Variants in EHBP1 observed in about 807,000 individuals in gnomAD.
EHBP1 encodes EH domain binding protein 1, also known as EH domain-binding protein 1.
EHBP1 carries 55 observed loss-of-function variants against 144.0 expected under a neutral mutation model. That is an observed-to-expected ratio of 0.38 (90% confidence interval 0.31 to 0.48). The LOEUF (loss-of-function observed/expected upper bound fraction) is 0.48. EHBP1 is among the 20% of genes least tolerant of loss of function. The pLI is 0.98. For missense variants in EHBP1, 1,200 were observed against 1,364.2 expected, an observed-to-expected ratio of 0.88 and a Z score of 1.90; for synonymous variants, 469 against 472.7, an observed-to-expected ratio of 0.99 and a Z score of 0.10.
At chr2:62,930,137 A>C (rs1024275272) in intron 10 of EHBP1, among the ~76,000 whole-genome samples, 2 of 152,128 alleles carry the variant, frequency 1.3e-5, no homozygotes, top group African/African-American at 4.8e-5. Flanking sequence ...TAGTCCCACT[A>C]CTTGAGAGGC....
intron 9 of EHBP1, among the ~76,000 whole-genome samples, chr2:62,872,472 T>A (rs969526249): frequency 6.6e-6 from 1 of 152,132 alleles, no homozygotes; most frequent in Non-Finnish European, 1.5e-5. Context: ...TATTTATATT[T>A]AAAATATATT....
At chr2:62,844,775 C>A (rs1353679423) in intron 7 of EHBP1, among the ~76,000 whole-genome samples, 1 of 152,150 alleles carries the variant, frequency 6.6e-6, no homozygotes. Flanking sequence ...TCCTGAAAGA[C>A]CCCTGATATT....
intron 5 of EHBP1, among the ~76,000 whole-genome samples, chr2:62,782,335 A>G (rs952606783): frequency 6.6e-6 from 1 of 152,242 alleles, no homozygotes; most frequent in African/African-American, 2.4e-5. Context: ...GAAATTATCA[A>G]CAATGTTTTA....
In EHBP1 at chr2:63,032,750, G is replaced by A. The variant is rs557703606; in HGVS notation, c.3104-4785G>A. 3.9e-5 allele frequency among the ~76,000 whole-genome samples: 6 copies of A among 151,962 alleles called. No homozygotes were observed. The South Asian group carries it at 1.2e-3, about 32-fold the overall frequency. The stretch of plus-strand genomic sequence containing the variant: ...CTCCTGTAGAAAGTCCATGCACAGG[G>A]GTCTGTTAGAAGTCGTGTGTAGAAA... On this transcript the variant is annotated intron_variant, in intron 19 of 22. Transcript: ENST00000431489.
At chr2:62,724,989 T>C (rs2036613074) in intron 2 of EHBP1, among the ~76,000 whole-genome samples, 1 of 152,222 alleles carries the variant, frequency 6.6e-6, no homozygotes, top group Admixed American at 6.5e-5. Flanking sequence ...ACTGCTGACC[T>C]AGAGGACTTG....
At chr2:63,025,731 A>T (rs935504221) in intron 19 of EHBP1, among the ~76,000 whole-genome samples, 2 of 152,180 alleles carry the variant, frequency 1.3e-5, no homozygotes, top group Admixed American at 6.5e-5. Flanking sequence ...ATCATGATAA[A>T]AGGGGCAACT....
chr2:62,900,028 A>G (rs1558880244), intron 10 of EHBP1, among the ~76,000 whole-genome samples: 1 of 152,214 alleles, frequency 6.6e-6, no homozygotes, highest in Non-Finnish European at 1.5e-5. Context: ...GGAATTACTG[A>G]GTAATAACTT....
At chr2:62,883,583 G>A (rs960075982) in intron 10 of EHBP1, among the ~76,000 whole-genome samples, 1 of 152,154 alleles carries the variant, frequency 6.6e-6, no homozygotes, top group Non-Finnish European at 1.5e-5. Context: ...AAAAAGACTA[G>A]CCGTCTATAG....
chr2:62,997,303 G>A (rs1574411728), intron 19 of EHBP1, among the ~76,000 whole-genome samples: 2 of 152,086 alleles, frequency 1.3e-5, no homozygotes, highest in East Asian at 3.9e-4. Context: ...TATATAGCAA[G>A]GTTTGTAAAG....
chr2:63,010,123 A>G (rs572203985), intron 19 of EHBP1, among the ~76,000 whole-genome samples: 1 of 151,454 alleles, frequency 6.6e-6, no homozygotes, highest in South Asian at 2.1e-4. Context: ...CAAATTCCTA[A>G]TATTAGCTTC....
chr2:62,948,940 G>A lies in EHBP1; in HGVS notation c.2094G>A (p.Glu698=), dbSNP rs111706386. Residue 698 remains glutamate (E), a synonymous_variant, in exon 13 of 23, where the codon GAG becomes GAA. Coordinates refer to ENST00000431489, the MANE Select transcript of EHBP1 (RefSeq NM_001142616.3). ...CTCTAGACATCGGTAGTAACTTGGA[G>A]AAAGAAAAATTAGAGAATTCCAGAT... The part of the protein sequence containing the change: ...LQTLDIGSNL[E]KEKLENSRSL... 2.8e-3 allele frequency: 4,560 copies of A among 1,613,982 alleles called. 12 individuals are homozygous for A. The highest frequency in any genetic ancestry group is 9.4e-3 in the Middle Eastern group (57 of 6,062).
At chr2:62,719,387 C>G (rs2035991409) in intron 2 of EHBP1, among the ~76,000 whole-genome samples, 1 of 151,938 alleles carries the variant, frequency 6.6e-6, no homozygotes, top group South Asian at 2.1e-4. Flanking sequence ...TGTCTTAATT[C>G]TCACGTTGAT....
chr2:62,683,573 G>T (rs2033606882), intron 1 of EHBP1, among the ~76,000 whole-genome samples: 1 of 150,626 alleles, frequency 6.6e-6, no homozygotes, highest in Non-Finnish European at 1.5e-5. Flanking sequence ...GCAGGAGAAT[G>T]GTGTGAATCC....
At chr2:62,980,559 A>G (rs1210914007) in intron 15 of EHBP1, among the ~76,000 whole-genome samples, 1 of 152,166 alleles carries the variant, frequency 6.6e-6, no homozygotes. Flanking sequence ...TCCTTATATT[A>G]AAAGCTTACT....
chr2:62,961,684 ATTTCTTTTTTTATTATT>A (rs2058009245), intron 14 of EHBP1, among the ~76,000 whole-genome samples: 1 of 152,146 alleles, frequency 6.6e-6, no homozygotes, highest in Non-Finnish European at 1.5e-5. Context: ...TCAAGAAAAT[ATTTCTTTTTTTATTATT>A]TTTCTTTATT....
chr2:62,963,937 G>C (rs1465425070), intron 14 of EHBP1, among the ~76,000 whole-genome samples: 1 of 152,144 alleles, frequency 6.6e-6, no homozygotes, highest in African/African-American at 2.4e-5. Flanking sequence ...TTTGAGTGTA[G>C]AGCTGATCTT....
chr2:62,800,356 T>C (rs1307276162), intron 5 of EHBP1, among the ~76,000 whole-genome samples: 1 of 152,206 alleles, frequency 6.6e-6, no homozygotes, highest in Non-Finnish European at 1.5e-5. Flanking sequence ...TCACCAAATC[T>C]AGTGACTCTT....
At chr2:63,003,259 A>G (rs1296337481) in intron 19 of EHBP1, among the ~76,000 whole-genome samples, 2 of 152,064 alleles carry the variant, frequency 1.3e-5, no homozygotes, top group Non-Finnish European at 2.9e-5. Flanking sequence ...GCAGAGCAGT[A>G]AAATAAATGT....
chr2:62,856,611 G>A (rs1238899370), intron 7 of EHBP1, among the ~76,000 whole-genome samples: 1 of 152,214 alleles, frequency 6.6e-6, no homozygotes, highest in African/African-American at 2.4e-5. Flanking sequence ...CCAAGTGGGT[G>A]GAATGAGTCC....
Sources: gnomAD v4.1 joint callset for allele counts (sites outside exome capture counted in the v4.1 genomes callset) on GRCh38, gnomAD v4.1.1 for gene constraint, MANE v1.5 for transcripts, NCBI Gene and HGNC (gene_info 2026-07-23, HGNC 2026-07-21) for gene names.